The following FLACC1 variants were observed in gnomAD, a reference collection of about 807,000 sequenced individuals.
The protein encoded by FLACC1 is flagellum associated containing coiled-coil domains 1.
In FLACC1, 66 loss-of-function variants were observed where a neutral mutation model predicts 62.8. That is an observed-to-expected ratio of 1.05 (90% CI 0.86 to 1.29). FLACC1 has a LOEUF of 1.29. Ranked by LOEUF, FLACC1 falls within the 50% of genes most tolerant of loss-of-function variation. The pLI, the probability that FLACC1 is intolerant of heterozygous loss-of-function variation, is 0.00. For synonymous variants in FLACC1, 156 were observed against 161.0 expected (o/e 0.97, Z 0.24); for missense variants, 452 against 489.1 (o/e 0.92, Z 0.71).
At position 201,292,106 on chromosome 2, in the gene FLACC1, G is replaced by C. The variant is rs573955509; in HGVS notation, c.943-2321C>G. ...AACCAAGTTGGAAAACACTCTGCAG[G>C]ATATTATCCAGGAGAACTTCCCCAA... On this transcript the variant is annotated intron_variant, in intron 12 of 14. Transcript: ENST00000392257. 3.7e-4 allele frequency among the ~76,000 whole-genome samples: 56 copies of C among 152,320 alleles called. 2 individuals carry two copies. In the South Asian group the frequency reaches 0.011, roughly 30 times the overall value.
At chr2:201,305,678 C>G (rs1950088078) in intron 11 of FLACC1, among the ~76,000 whole-genome samples, 1 of 152,150 alleles carries the variant, frequency 6.6e-6, no homozygotes. Context: ...AGACTTGGAA[C>G]CAACCAAAAT....
intron 6 of FLACC1, 118 bp downstream of exon 6, chr2:201,344,052 C>G (rs1950864052): frequency 1.2e-6 from 1 of 808,908 alleles, no homozygotes; most frequent in Non-Finnish European, 2.0e-6. Context: ...GGTCCTGTCA[C>G]CTGGACAACA....
intron 1 of FLACC1, among the ~76,000 whole-genome samples, chr2:201,352,798 C>G (rs1951052868): frequency 6.6e-6 from 1 of 152,150 alleles, no homozygotes; most frequent in Non-Finnish European, 1.5e-5. Flanking sequence ...ATGGCAAAAG[C>G]AGCTGTGATT....
At chr2:201,330,357 T>C (rs1950567934) in intron 9 of FLACC1, 113 bp downstream of exon 9, 1 of 1,062,656 alleles carries the variant, frequency 9.4e-7, no homozygotes, top group South Asian at 1.7e-5. Flanking sequence ...GGTCTAAGGA[T>C]GCTGGGAATC....
intron 7 of FLACC1, among the ~76,000 whole-genome samples, chr2:201,338,796 T>C (rs1001428395): frequency 1.3e-5 from 2 of 152,172 alleles, no homozygotes; most frequent in African/African-American, 2.4e-5. Flanking sequence ...TGATGTATTG[T>C]TGGATTTGGT....
At position 201,314,884 on chromosome 2, in the gene FLACC1, G is replaced by T. The variant is rs925423784; in HGVS notation, c.676-5634C>A. Among the ~76,000 whole-genome samples, 4 of 152,130 alleles carry T rather than the reference G, an allele frequency of 2.6e-5. No homozygotes were observed. In the East Asian group the frequency reaches 7.7e-4, roughly 29 times the overall value. On this transcript the variant is annotated intron_variant, in intron 9 of 14. Coordinates refer to ENST00000392257, the MANE Select transcript of FLACC1 (RefSeq NM_001127391.3). ...AGAAAGGATTAGGGCCCTATCTTCA[G>T]CCTCCTTAAACAAAACAATTATCAG... is the stretch of plus-strand genomic sequence containing the variant.
chr2:201,331,231 C>T (rs1304134114), intron 7 of FLACC1, among the ~76,000 whole-genome samples: 7 of 152,066 alleles, frequency 4.6e-5, no homozygotes, highest in East Asian at 1.9e-4. Flanking sequence ...GTTGACCTCC[C>T]GAAGTGCTGG....
At chr2:201,338,959 A>G (rs1265752025) in intron 7 of FLACC1, among the ~76,000 whole-genome samples, 2 of 152,144 alleles carry the variant, frequency 1.3e-5, no homozygotes, top group Non-Finnish European at 2.9e-5. Flanking sequence ...CCTCCTCTTC[A>G]AATTTTTTTG....
At chr2:201,353,561 C>G (rs1951066710) in intron 1 of FLACC1, among the ~76,000 whole-genome samples, 1 of 152,078 alleles carries the variant, frequency 6.6e-6, no homozygotes, top group East Asian at 1.9e-4. Flanking sequence ...TAAATGATGT[C>G]AGTGGATATT....
At chr2:201,329,828 A>G (rs1256219657) in intron 9 of FLACC1, among the ~76,000 whole-genome samples, 1 of 152,244 alleles carries the variant, frequency 6.6e-6, no homozygotes, top group African/African-American at 2.4e-5. Context: ...AAACCTCAGC[A>G]TCACACAATA....
At chr2:201,336,470 C>T (rs1001913930) in intron 7 of FLACC1, among the ~76,000 whole-genome samples, 2 of 152,120 alleles carry the variant, frequency 1.3e-5, no homozygotes, top group Non-Finnish European at 2.9e-5. Context: ...GATGAACAAA[C>T]GTATGCATGT....
chr2:201,309,339 C>T (rs1033353744), intron 9 of FLACC1, 89 bp from the exon 10 acceptor site: 6 of 958,914 alleles, frequency 6.3e-6, no homozygotes, highest in African/African-American at 4.8e-5. Flanking sequence ...GGGAGGACTC[C>T]TCTTGGCATT....
At chr2:201,349,909 G>T (rs1272842617) in intron 3 of FLACC1, among the ~76,000 whole-genome samples, 1 of 152,332 alleles carries the variant, frequency 6.6e-6, no homozygotes, top group South Asian at 2.1e-4. Context: ...ACAATGCAAT[G>T]ACTTTGGAAG....
At chr2:201,293,861 C>A (rs1329845774) in intron 12 of FLACC1, among the ~76,000 whole-genome samples, 9 of 151,656 alleles carry the variant, frequency 5.9e-5, no homozygotes, top group Non-Finnish European at 1.2e-4. Flanking sequence ...TCCCACAGAA[C>A]TACAAACTAC....
chr2:201,311,496 A>T (rs933008605), intron 9 of FLACC1, among the ~76,000 whole-genome samples: 1 of 152,104 alleles, frequency 6.6e-6, no homozygotes, highest in African/African-American at 2.4e-5. Flanking sequence ...TTGAGTCAGG[A>T]GAATTGCTTG....
chr2:201,350,879 A>G, intron 2 of FLACC1, 97 bp from the exon 3 acceptor site: 1 of 992,674 alleles, frequency 1.0e-6, no homozygotes, highest in South Asian at 1.5e-5. Context: ...AGTGACCCAA[A>G]ATTGGAATGC....
chr2:201,351,576 G>A (rs182274999), intron 1 of FLACC1, 125 bp from the exon 2 acceptor site: 4 of 606,646 alleles, frequency 6.6e-6, no homozygotes, highest in Non-Finnish European at 1.2e-5. Context: ...TGTTGATCTG[G>A]TGCAGGGTCT....
chr2:201,348,771 A>C (rs1437107277), intron 3 of FLACC1, among the ~76,000 whole-genome samples: 2 of 152,190 alleles, frequency 1.3e-5, no homozygotes, highest in Non-Finnish European at 2.9e-5. Flanking sequence ...ACAAATGTTG[A>C]AGTTAAACTT....
chr2:201,335,487 C>T (rs1410516727), intron 7 of FLACC1, among the ~76,000 whole-genome samples: 1 of 152,012 alleles, frequency 6.6e-6, no homozygotes, highest in Non-Finnish European at 1.5e-5. Flanking sequence ...AATCAGTTGG[C>T]TATGGGTGTA....
Sources: allele counts gnomAD v4.1 joint callset (sites outside exome capture counted in the v4.1 genomes callset), GRCh38; gene constraint gnomAD v4.1.1; transcripts MANE v1.5; gene names NCBI Gene and HGNC (gene_info 2026-07-23, HGNC 2026-07-21).